MSH3: variants seen among roughly 807,000 people sequenced by gnomAD.
MSH3 encodes the protein DNA mismatch repair protein Msh3.
MSH3 carries 106 observed loss-of-function variants against 123.3 expected under a neutral mutation model. The ratio of observed to expected loss-of-function variants is 0.86; its 90% CI spans 0.73 to 1.01. The LOEUF is 1.01. Among genes scored for constraint, MSH3 ranks in the 50% least tolerant of loss-of-function variants. The probability of loss-of-function intolerance (pLI) is 0.00; values close to 1 mark genes in which losing one functional copy is unlikely to be tolerated. For synonymous variants in MSH3, 515 were observed against 481.4 expected (o/e 1.07, Z -0.91); for missense variants, 1,459 against 1,347.6 (o/e 1.08, Z -1.29).
At chr5:80,868,978 T>C (rs1390583250) in intron 22 of MSH3, among the ~76,000 whole-genome samples, 2 of 152,134 alleles carry the variant, frequency 1.3e-5, no homozygotes, top group African/African-American at 4.8e-5. Flanking sequence ...GTAGAGGCCA[T>C]TGCGTAGGTC....
intron 14 of MSH3, 71 bp downstream of exon 14, chr5:80,768,191 G>A: frequency 7.5e-7 from 1 of 1,340,238 alleles, no homozygotes; most frequent in Non-Finnish European, 1.1e-6. Flanking sequence ...ATTTATTTGT[G>A]GATTCTTAAT....
In MSH3 at chr5:80,654,963, T is replaced by C. The variant is rs2112798762; in HGVS notation, c.236T>C (p.Ile79Thr). ...TTCCCGCCCCAGCTGCCGCCGCACATAGTAGGTTCTGTCTGGGACTGGGCA... is the reference window on the plus strand; with the variant it reads ...TTCCCGCCCCAGCTGCCGCCGCACACAGTAGGTTCTGTCTGGGACTGGGCA... The part of the protein sequence containing the change: ...PAFPPQLPPH[I>T]ATEIDRRKKR... Residue 79 changes from isoleucine (I) to threonine (T), a missense_variant and splice_region_variant, in exon 1 of 24, where the codon ATA becomes ACA. Ile to Thr is a moderately conservative substitution (Grantham distance 89). Coordinates refer to ENST00000265081, the MANE Select transcript of MSH3 (RefSeq NM_002439.5). The C allele has an allele frequency of 2.7e-6, 4 of 1,458,750 alleles. No homozygotes were observed. The highest frequency in any genetic ancestry group is 2.6e-5 in the South Asian group (2 of 75,560). The allele number at this position is 1,458,750 out of a possible 1,614,324, so 90.4% of individuals were successfully genotyped here. A position where few individuals can be genotyped will look rare whatever the true frequency, so the allele number is the denominator to read the frequency against.
At chr5:80,840,272 G>C (rs1045753637) in intron 20 of MSH3, among the ~76,000 whole-genome samples, 1 of 152,044 alleles carries the variant, frequency 6.6e-6, no homozygotes, top group African/African-American at 2.4e-5. Context: ...AAACTTTGTT[G>C]TTTGACAAAC....
At chr5:80,820,894 A>C (rs1157907899) in intron 20 of MSH3, among the ~76,000 whole-genome samples, 1 of 152,186 alleles carries the variant, frequency 6.6e-6, no homozygotes, top group Non-Finnish European at 1.5e-5. Context: ...GGAGATTTGC[A>C]CTTCACGAAG....
chr5:80,861,771 A>G (rs935764101), intron 21 of MSH3, among the ~76,000 whole-genome samples: 2 of 152,060 alleles, frequency 1.3e-5, no homozygotes, highest in Non-Finnish European at 1.5e-5. Context: ...TCCTACCCTG[A>G]TACTGGTTCC....
chr5:80,803,284 G>A (rs1166142190), intron 19 of MSH3, among the ~76,000 whole-genome samples: 1 of 152,102 alleles, frequency 6.6e-6, no homozygotes, highest in Admixed American at 6.6e-5. Context: ...ACTGGGGTGA[G>A]ATGATATCTC....
At position 80,778,709 on chromosome 5, in the gene MSH3, C is replaced by G. The variant is rs376345436; in HGVS notation, c.2319-11C>G. On this transcript the variant is annotated splice_polypyrimidine_tract_variant and intron_variant, in intron 16 of 23. Coordinates refer to ENST00000265081, the MANE Select transcript of MSH3 (RefSeq NM_002439.5). ...CTTGATTTCCTATTTGTGTTCTTTC[C>G]CCTCTTCTAGCACAAAAGCTGTGAG... The G allele has an allele frequency of 6.7e-7, 1 of 1,494,014 alleles. No homozygotes were observed. The highest frequency in any genetic ancestry group is 9.3e-7 in the Non-Finnish European group (1 of 1,070,516). 92.5% of individuals were successfully genotyped at this position (1,494,014 alleles called of 1,614,324 possible). A position where few individuals can be genotyped will look rare whatever the true frequency, so the allele number is the denominator to read the frequency against.
chr5:80,861,684 C>T (rs1258226492), intron 21 of MSH3, among the ~76,000 whole-genome samples: 1 of 152,154 alleles, frequency 6.6e-6, no homozygotes, highest in Non-Finnish European at 1.5e-5. Context: ...CCCCATGACT[C>T]GGTTCCCCTG....
chr5:80,693,053 A>T (rs1415956652), intron 8 of MSH3, among the ~76,000 whole-genome samples: 1 of 127,148 alleles, frequency 7.9e-6, no homozygotes, highest in South Asian at 2.7e-4. Flanking sequence ...ATATGTTTAT[A>T]TAGATAAATA....
At chr5:80,819,356 ATATATATGTGTGTATATATATGTG>A (rs902655710) in intron 20 of MSH3, among the ~76,000 whole-genome samples, 4 of 133,010 alleles carry the variant, frequency 3.0e-5, no homozygotes, top group Admixed American at 7.8e-5. Flanking sequence ...ATATATATGT[ATATATATGTGTGTATATATATGTG>A]TATATATGTA....
chr5:80,867,982 A>G (rs1323197771), intron 22 of MSH3, among the ~76,000 whole-genome samples: 1 of 152,164 alleles, frequency 6.6e-6, no homozygotes, highest in African/African-American at 2.4e-5. Context: ...CCTCTTAGTC[A>G]TGAAATCTTT....
At chr5:80,711,039 C>T (rs1489888605) in intron 8 of MSH3, among the ~76,000 whole-genome samples, 1 of 151,548 alleles carries the variant, frequency 6.6e-6, no homozygotes, top group Non-Finnish European at 1.5e-5. Context: ...AAAAACAAAA[C>T]CAAAACCAAC....
At chr5:80,723,130 T>TAAATAAATAAATAAAG (rs1286049601) in intron 8 of MSH3, among the ~76,000 whole-genome samples, 1 of 147,664 alleles carries the variant, frequency 6.8e-6, no homozygotes, top group Admixed American at 6.8e-5. Context: ...AATAAATAAA[T>TAAATAAATAAATAAAG]AAAGTAATCC....
At chr5:80,657,635 T>A (rs1749321478) in intron 2 of MSH3, among the ~76,000 whole-genome samples, 1 of 146,670 alleles carries the variant, frequency 6.8e-6, no homozygotes, top group Admixed American at 6.8e-5. Flanking sequence ...CTCAGGAAAT[T>A]AGGTAAAGAG....
chr5:80,860,771 T>C (rs1580096044), intron 21 of MSH3, among the ~76,000 whole-genome samples: 1 of 152,246 alleles, frequency 6.6e-6, no homozygotes, highest in African/African-American at 2.4e-5. Context: ...CTTTCTCTCT[T>C]TATTTTCTCT....
At chr5:80,666,273 A>G (rs1471606922) in intron 3 of MSH3, among the ~76,000 whole-genome samples, 1 of 152,150 alleles carries the variant, frequency 6.6e-6, no homozygotes, top group Non-Finnish European at 1.5e-5. Context: ...CTATATATGT[A>G]TATGTATGTG....
At chr5:80,840,391 T>C (rs1407535124) in intron 20 of MSH3, among the ~76,000 whole-genome samples, 1 of 152,150 alleles carries the variant, frequency 6.6e-6, no homozygotes, top group African/African-American at 2.4e-5. Context: ...CGACTGCTAC[T>C]CTTCCTTGTA....
intron 20 of MSH3, among the ~76,000 whole-genome samples, chr5:80,846,049 C>T (rs1030359449): frequency 6.6e-6 from 1 of 152,090 alleles, no homozygotes; most frequent in Non-Finnish European, 1.5e-5. Context: ...TTTTATCTAC[C>T]TTTGTTCTTT....
At chr5:80,695,318 C>T (rs180812802) in intron 8 of MSH3, among the ~76,000 whole-genome samples, 3 of 151,712 alleles carry the variant, frequency 2.0e-5, no homozygotes, top group Admixed American at 2.0e-4. Flanking sequence ...ATATTTTTCA[C>T]TTCTAAAATT....
Sources: gnomAD v4.1 joint callset for allele counts (sites outside exome capture counted in the v4.1 genomes callset) on GRCh38, gnomAD v4.1.1 for gene constraint, MANE v1.5 for transcripts, NCBI Gene and HGNC (gene_info 2026-07-23, HGNC 2026-07-21) for gene names.